LAIR2: variants seen among roughly 807,000 people sequenced by gnomAD.
The protein encoded by LAIR2 is leukocyte-associated immunoglobulin-like receptor 2.
A neutral mutation model predicts 14.8 loss-of-function variants in LAIR2; 14 were observed. The observed-to-expected ratio is 0.95, with a 90% CI of 0.62 to 1.48. LAIR2 has a LOEUF of 1.48. LAIR2 is among the 40% of genes most tolerant of loss of function. The probability of loss-of-function intolerance (pLI) is 0.00; values close to 1 mark genes in which losing one functional copy is unlikely to be tolerated. For missense variants in LAIR2, 172 were observed against 180.9 expected (o/e 0.95, Z 0.28); for synonymous variants, 75 against 74.5 (o/e 1.01, Z -0.03).
chr19:54,506,014 G>A (rs1015988751), intron 2 of LAIR2, among the ~76,000 whole-genome samples: 5 of 151,900 alleles, frequency 3.3e-5, no homozygotes, highest in East Asian at 1.9e-4. Flanking sequence ...TAGTAGAGAC[G>A]GGGATTCACC....
At chr19:54,507,686 A>G (rs1368870211) in intron 2 of LAIR2, among the ~76,000 whole-genome samples, 3 of 152,238 alleles carry the variant, frequency 2.0e-5, no homozygotes, top group Admixed American at 1.3e-4. Context: ...CCTCACTGTC[A>G]ACTGGGAAAA....
intron 3 of LAIR2, among the ~76,000 whole-genome samples, chr19:54,508,491 G>A (rs8112774): frequency 0.16 from 24,373 of 152,092 alleles, 2,052 homozygotes; most frequent in East Asian, 0.29. Context: ...AGAGATTAGG[G>A]GGCAACCCCC....
At chr19:54,507,164 G>A (rs140826684) in intron 2 of LAIR2, among the ~76,000 whole-genome samples, 3,157 of 150,854 alleles carry the variant, frequency 0.021, 106 homozygotes, top group African/African-American at 0.073. Flanking sequence ...GTTTCAGGGC[G>A]TCAAACCCGC....
rs781310154 is a variant in LAIR2, at chr19:54,507,961, C to A, written c.141C>A (p.Phe47Leu). The A allele has an allele frequency of 6.2e-7, 1 of 1,614,120 alleles. No homozygotes were observed. Among genetic ancestry groups the A allele is most frequent in the Admixed American group, 1.7e-5 (1 of 60,012 alleles). ...TVISPGSHVTFMCRGPVGVQT... is the reference protein window; with the variant it reads ...TVISPGSHVTLMCRGPVGVQT... Reference sequence around the variant, plus strand: ...TCTCCCCGGGGAGCCATGTGACTTTCATGTGCCGGGGCCCGGTTGGGGTTC... The same window carrying A: ...TCTCCCCGGGGAGCCATGTGACTTTAATGTGCCGGGGCCCGGTTGGGGTTC... The change falls in exon 3 of 5, where the codon TTC becomes TTA. Residue 47 changes from phenylalanine (F) to leucine (L), a missense_variant. This residue lies in a region of LAIR2 where 161 missense variants were observed against 149.0 expected (regional missense o/e 1.08). Coordinates refer to ENST00000301202, the MANE Select transcript of LAIR2 (RefSeq NM_002288.6).
chr19:54,507,743 C>T (rs1285227207), intron 2 of LAIR2, 148 bp from the exon 3 acceptor site: 7 of 735,772 alleles, frequency 9.5e-6, no homozygotes, highest in Admixed American at 4.6e-5. Context: ...GTGCAGGAGG[C>T]GTGGGAATGT....
intron 4 of LAIR2, among the ~76,000 whole-genome samples, chr19:54,509,849 G>A (rs2085437867): frequency 6.6e-6 from 1 of 151,500 alleles, no homozygotes; most frequent in South Asian, 2.1e-4. Context: ...ATCTCCGCCT[G>A]TGATCTGTGA....
chr19:54,502,889 T>A lies in LAIR2; in HGVS notation c.-30T>A. 5.6e-6 allele frequency: 9 copies of A among 1,614,020 alleles called. No individual in the cohort carries two copies. Among genetic ancestry groups the A allele is most frequent in the Non-Finnish European group, 7.6e-6 (9 of 1,179,890 alleles). ...CCGGCCAGCACATCCTGTCTGCTTG[T>A]GTCTGCTGCAGAGTTCTGGGACCGG... is the stretch of plus-strand genomic sequence containing the variant. On this transcript the variant is annotated 5_prime_UTR_variant, in exon 1 of 5. Transcript: ENST00000301202.
chr19:54,503,834 C>A (rs551358494), intron 2 of LAIR2, 99 bp downstream of exon 2: 54 of 1,478,478 alleles, frequency 3.7e-5, no homozygotes, highest in Non-Finnish European at 5.1e-5. Flanking sequence ...CTGGAGAGAT[C>A]CCTTTAAATA....
At chr19:54,506,598 T>C (rs1397867859) in intron 2 of LAIR2, among the ~76,000 whole-genome samples, 6 of 152,184 alleles carry the variant, frequency 3.9e-5, no homozygotes, top group Non-Finnish European at 7.3e-5. Context: ...CTTATTGCAG[T>C]TCGCAGCTGC....
rs372515227 is a variant in LAIR2, at chr19:54,509,931, C to A, written c.416-595C>A. On this transcript the variant is annotated intron_variant, in intron 4 of 4. Transcript: ENST00000301202. ...CCCTTCCCCACCTGGGTTTCTATCC[C>A]CAGAGTACGTCCTTGGACCTAGACC... Among the ~76,000 whole-genome samples the A allele has an allele frequency of 3.5e-4, 53 of 150,162 alleles. 1 individual carries two copies. In the East Asian group the frequency reaches 7.1e-3, roughly 20 times the overall value.
chr19:54,510,484 G>C (rs1360224567), intron 4 of LAIR2, 42 bp from the exon 5 acceptor site: 2 of 1,555,362 alleles, frequency 1.3e-6, no homozygotes, highest in Non-Finnish European at 1.8e-6. Context: ...CCCAAAGGAG[G>C]GATGCTCCTA....
Position 54,510,648 on chromosome 19 carries a change from C to A in LAIR2, c.*79C>A. ...AATGAGCAATAGAAATGCACAGATG[C>A]CTATACATACATATACAAATAAAAA... On this transcript the variant is annotated 3_prime_UTR_variant, in exon 5 of 5. Coordinates refer to ENST00000301202, the MANE Select transcript of LAIR2 (RefSeq NM_002288.6). The A allele has an allele frequency of 2.0e-6, 3 of 1,488,606 alleles. No individual in the cohort carries two copies. The highest frequency in any genetic ancestry group is 2.8e-6 in the Non-Finnish European group (3 of 1,066,258). 92.2% of individuals were successfully genotyped at this position (1,488,606 alleles called of 1,614,324 possible).
chr19:54,505,984 GGC>G (rs2085357797), intron 2 of LAIR2, among the ~76,000 whole-genome samples: 1 of 151,918 alleles, frequency 6.6e-6, no homozygotes, highest in African/African-American at 2.4e-5. Context: ...CACCATGCCT[GGC>G]TGATGTTTTT....
intron 2 of LAIR2, among the ~76,000 whole-genome samples, chr19:54,505,062 A>G (rs2085340399): frequency 6.6e-6 from 1 of 152,106 alleles, no homozygotes; most frequent in African/African-American, 2.4e-5. Flanking sequence ...TTGCATATAT[A>G]CACCACATTC....
chr19:54,508,427 G>T (rs1174456015), intron 3 of LAIR2, among the ~76,000 whole-genome samples: 5 of 152,242 alleles, frequency 3.3e-5, no homozygotes, highest in Non-Finnish European at 5.9e-5. Flanking sequence ...CTCAGTCCCA[G>T]CATTGGGTTG....
At chr19:54,504,512 G>A (rs572708356) in intron 2 of LAIR2, among the ~76,000 whole-genome samples, 145 of 151,588 alleles carry the variant, frequency 9.6e-4, no homozygotes, top group African/African-American at 3.2e-3. Context: ...CTGTTTAACC[G>A]AAACTTTGTA....
chr19:54,508,530 A>G (rs932480811), intron 3 of LAIR2, among the ~76,000 whole-genome samples: 2 of 152,294 alleles, frequency 1.3e-5, no homozygotes, highest in South Asian at 2.1e-4. Context: ...CTTTTCACAC[A>G]GGATTGATGG....
Position 54,510,526 on chromosome 19 carries a change from G to A in LAIR2, c.416G>A (p.Gly139Glu). The A allele has an allele frequency of 1.2e-6, 2 of 1,612,660 alleles. No homozygotes were observed. Among genetic ancestry groups the A allele is most frequent in the Non-Finnish European group, 1.7e-6 (2 of 1,178,990 alleles). Residue 139 changes from glycine to glutamate, a missense_variant and splice_region_variant, in exon 5 of 5, where the codon GGG becomes GAG. Physicochemically the swap from Gly to Glu is moderately conservative, Grantham distance 98. Coordinates refer to ENST00000301202, the MANE Select transcript of LAIR2 (RefSeq NM_002288.6). ...SPDTEPGSSAGTVPGTEASGF... is the reference protein window; with the variant it reads ...SPDTEPGSSAETVPGTEASGF... ...CTGAGGAAGTATTTTGTCCTCACAG[G>A]GACTGTGCCAGGCACTGAAGCCTCC... is the stretch of plus-strand genomic sequence containing the variant.
rs1568446419 is a variant in LAIR2 at position 54,503,748 on chromosome 19, T to G, written c.70+13T>G. 1.2e-6 allele frequency: 2 copies of G among 1,614,062 alleles called. No homozygotes were observed. Among genetic ancestry groups the G allele is most frequent in the Non-Finnish European group, 1.7e-6 (2 of 1,180,014 alleles). ...CACACGCAGGAGGGTAAGTCATGCC[T>G]TCGTCCCGTCTTCCCAGTCCCCTCT... On this transcript the variant is annotated intron_variant, in intron 2 of 4. Transcript: ENST00000301202.
Sources: allele counts gnomAD v4.1 joint callset (sites outside exome capture counted in the v4.1 genomes callset), GRCh38; gene constraint gnomAD v4.1.1; regional missense constraint gnomAD v4.1.1; transcripts MANE v1.5; gene names NCBI Gene and HGNC (gene_info 2026-07-23, HGNC 2026-07-21).